The following SGCD variants were observed in gnomAD, a reference collection of about 807,000 sequenced individuals.
SGCD encodes sarcoglycan delta.
In SGCD, 18 loss-of-function variants were observed where a neutral mutation model predicts 36.6. The observed-to-expected ratio is 0.49, with a 90% confidence interval of 0.34 to 0.73. SGCD has a LOEUF of 0.73. Among genes scored for constraint, SGCD ranks in the 30% least tolerant of loss-of-function variants. The pLI is 0.01. For synonymous variants in SGCD, 133 were observed against 130.6 expected (o/e 1.02, Z -0.12); for missense variants, 387 against 346.7 (o/e 1.12, Z -0.92).
At chr5:155,764,031 T>A in the SGCD span, among the ~76,000 whole-genome samples, 2 of 152,168 alleles carry the variant, frequency 1.3e-5, no homozygotes, top group Non-Finnish European at 2.9e-5. Flanking sequence ...TTGAAAATTG[T>A]CAAACTAATT....
At chr5:156,038,091 T>C (rs1157125797) in intron 1 of SGCD, among the ~76,000 whole-genome samples, 2 of 152,152 alleles carry the variant, frequency 1.3e-5, no homozygotes, top group Non-Finnish European at 2.9e-5. Context: ...AAGATGGGGA[T>C]AGAGACCAGG....
chr5:156,669,433 T>G (rs1314107646), intron 7 of SGCD, among the ~76,000 whole-genome samples: 1 of 152,226 alleles, frequency 6.6e-6, no homozygotes, highest in East Asian at 1.9e-4. Flanking sequence ...TTATTTATCT[T>G]AAAGAATAAA....
the SGCD span, among the ~76,000 whole-genome samples, chr5:155,814,621 G>A: frequency 9.2e-5 from 14 of 152,106 alleles, no homozygotes; most frequent in Non-Finnish European, 1.9e-4. Flanking sequence ...ATAGAAGATC[G>A]TGAGTGCAAC....
the SGCD span, among the ~76,000 whole-genome samples, chr5:155,757,553 C>T: frequency 6.6e-6 from 1 of 152,204 alleles, no homozygotes; most frequent in Admixed American, 6.5e-5. Flanking sequence ...GATGATCGAC[C>T]CAAGGGTCTC....
chr5:156,736,321 A>G (rs1037030258), intron 7 of SGCD, among the ~76,000 whole-genome samples: 3 of 152,250 alleles, frequency 2.0e-5, no homozygotes, highest in African/African-American at 4.8e-5. Flanking sequence ...ACAGAAAGCC[A>G]TAGGATAAAC....
chr5:156,129,186 A>G (rs1252843488), intron 3 of SGCD, among the ~76,000 whole-genome samples: 1 of 152,206 alleles, frequency 6.6e-6, no homozygotes, highest in East Asian at 1.9e-4. Context: ...ATTATATTTC[A>G]ATTTTAAAAT....
chr5:156,629,060 A>G (rs1174027579), intron 6 of SGCD, among the ~76,000 whole-genome samples: 1 of 152,198 alleles, frequency 6.6e-6, no homozygotes, highest in Non-Finnish European at 1.5e-5. Flanking sequence ...AACTCTCAAA[A>G]CTTCAGTTTC....
intron 1 of SGCD, among the ~76,000 whole-genome samples, chr5:155,929,885 A>G (rs1716527521): frequency 1.3e-5 from 2 of 152,080 alleles, no homozygotes; most frequent in Non-Finnish European, 2.9e-5. Context: ...CTTTCTACTT[A>G]TCTTGTTTTG....
the SGCD span, among the ~76,000 whole-genome samples, chr5:155,728,892 C>T: frequency 3.3e-5 from 5 of 152,214 alleles, no homozygotes; most frequent in African/African-American, 1.2e-4. Context: ...TAGCCTTCGC[C>T]GCGTGGCCCA....
intron 1 of SGCD, among the ~76,000 whole-genome samples, chr5:155,893,308 G>A (rs1279411138): frequency 6.6e-6 from 1 of 152,130 alleles, no homozygotes; most frequent in African/African-American, 2.4e-5. Flanking sequence ...TTTGCAACCT[G>A]AAAATAAAGC....
chr5:156,418,352 G>T (rs1773146100), intron 3 of SGCD, among the ~76,000 whole-genome samples: 1 of 152,166 alleles, frequency 6.6e-6, no homozygotes, highest in South Asian at 2.1e-4. Context: ...GACTGCATTG[G>T]TGAGGAAGGG....
intron 3 of SGCD, among the ~76,000 whole-genome samples, chr5:156,184,250 A>C (rs1763678791): frequency 6.6e-6 from 1 of 152,194 alleles, no homozygotes; most frequent in Admixed American, 6.5e-5. Context: ...ACCATTAGAA[A>C]GTCAAAAAAT....
chr5:156,297,339 G>A (rs899971556), intron 3 of SGCD, among the ~76,000 whole-genome samples: 2 of 152,078 alleles, frequency 1.3e-5, no homozygotes, highest in East Asian at 1.9e-4. Context: ...ACCTGCACAC[G>A]TATGTTTATT....
At chr5:156,106,419 T>C (rs1379499908) in intron 1 of SGCD, among the ~76,000 whole-genome samples, 1 of 152,208 alleles carries the variant, frequency 6.6e-6, no homozygotes, top group Non-Finnish European at 1.5e-5. Context: ...GGAGCTTGTT[T>C]CTCCCTGAGA....
At chr5:156,220,415 C>T (rs1764688011) in intron 3 of SGCD, among the ~76,000 whole-genome samples, 1 of 152,206 alleles carries the variant, frequency 6.6e-6, no homozygotes, top group East Asian at 1.9e-4. Context: ...CTTTTTCTGA[C>T]TTTATAAATC....
At chr5:155,840,000 C>G in the SGCD span, among the ~76,000 whole-genome samples, 5 of 151,894 alleles carry the variant, frequency 3.3e-5, no homozygotes, top group East Asian at 9.7e-4. Context: ...TAGGACACAA[C>G]TCAGGGCTGC....
intron 6 of SGCD, among the ~76,000 whole-genome samples, chr5:156,632,924 A>T (rs1762690292): frequency 6.6e-6 from 1 of 152,224 alleles, no homozygotes. Context: ...CAGCTAGGTC[A>T]TGGGAAAACA....
intron 1 of SGCD, among the ~76,000 whole-genome samples, chr5:156,012,064 C>T (rs1468780774): frequency 6.6e-6 from 1 of 152,172 alleles, no homozygotes; most frequent in Non-Finnish European, 1.5e-5. Flanking sequence ...TCACTATTGC[C>T]TGTATATGTT....
At chr5:155,869,178 CCCTT>C (rs2113270561), upstream of SGCD, among the ~76,000 whole-genome samples, 1 of 152,210 alleles carries the variant, frequency 6.6e-6, no homozygotes, top group South Asian at 2.1e-4. Flanking sequence ...AATTTCATCT[CCCTT>C]TCTTGTCTTT....
Sources: gnomAD v4.1 joint callset for allele counts (sites outside exome capture counted in the v4.1 genomes callset) on GRCh38, gnomAD v4.1.1 for gene constraint, MANE v1.5 for transcripts, NCBI Gene and HGNC (gene_info 2026-07-23, HGNC 2026-07-21) for gene names.